Variants in DUSP13B observed in about 807,000 individuals in gnomAD.
DUSP13B encodes dual specificity protein phosphatase 13B.
the DUSP13B span, chr10:75,107,990 AC>A: frequency 1.2e-6 from 2 of 1,610,178 alleles, no homozygotes; most frequent in Admixed American, 1.7e-5. Flanking sequence ...CCCAAGTCCT[AC>A]CCCCAGGCGT....
At chr10:75,097,895 A>G in the DUSP13B span, 4 of 1,575,930 alleles carry the variant, frequency 2.5e-6, no homozygotes, top group Non-Finnish European at 3.5e-6. Flanking sequence ...CCTGGAACAG[A>G]GTGGACACCG....
the DUSP13B span, chr10:75,108,194 G>A: frequency 6.2e-7 from 1 of 1,605,254 alleles, no homozygotes; most frequent in Non-Finnish European, 8.5e-7. Context: ...GCTCAAAGCG[G>A]TTGTTTGCCG....
chr10:75,103,676 A>G, the DUSP13B span, among the ~76,000 whole-genome samples: 91 of 152,348 alleles, frequency 6.0e-4, 1 homozygote, highest in East Asian at 0.015. Context: ...CCATACCTGC[A>G]CTGGGTCTCT....
chr10:75,105,549 C>T, the DUSP13B span: 1 of 1,099,288 alleles, frequency 9.1e-7, no homozygotes, highest in Non-Finnish European at 1.3e-6. Context: ...CTTCCAGCCA[C>T]ACACAGCCCT....
the DUSP13B span, chr10:75,098,959 T>C: frequency 8.1e-7 from 1 of 1,231,420 alleles, no homozygotes. Context: ...CACTAACCCA[T>C]CTGCTTCCTC....
chr10:75,094,998 G>T, the DUSP13B span: 1 of 896,482 alleles, frequency 1.1e-6, no homozygotes, highest in Non-Finnish European at 1.7e-6. Context: ...TGTCTACTCT[G>T]TCAAATGGGG....
the DUSP13B span, chr10:75,097,705 TACTC>T: frequency 3.2e-6 from 5 of 1,562,610 alleles, no homozygotes; most frequent in Middle Eastern, 1.7e-4. Flanking sequence ...ACGTGGGTCT[TACTC>T]ACGCATCTCC....
At chr10:75,104,213 G>A in the DUSP13B span, 3 of 623,996 alleles carry the variant, frequency 4.8e-6, no homozygotes, top group Non-Finnish European at 7.3e-6. Flanking sequence ...CTTGAGCCCT[G>A]TGCATAAGGT....
chr10:75,099,197 C>G, the DUSP13B span: 1 of 1,219,948 alleles, frequency 8.2e-7, no homozygotes, highest in Non-Finnish European at 1.0e-6. Flanking sequence ...TCTTTGCTAA[C>G]TGCCCCTGAT....
the DUSP13B span, among the ~76,000 whole-genome samples, chr10:75,104,986 C>G: frequency 6.6e-6 from 1 of 152,066 alleles, no homozygotes; most frequent in African/African-American, 2.4e-5. Flanking sequence ...AGGCCAGTCA[C>G]CCACCCCCAA....
At chr10:75,094,589 G>C in the DUSP13B span, 1 of 1,448,908 alleles carries the variant, frequency 6.9e-7, no homozygotes, top group East Asian at 2.3e-5. Flanking sequence ...TACATCTCAG[G>C]GTCACTAGAA....
the DUSP13B span, chr10:75,105,611 C>A: frequency 2.0e-6 from 3 of 1,489,924 alleles, no homozygotes; most frequent in Non-Finnish European, 2.7e-6. Context: ...TAGGCCCTCA[C>A]CTGGCCTCTT....
At chr10:75,097,879 G>A in the DUSP13B span, 19 of 1,603,142 alleles carry the variant, frequency 1.2e-5, no homozygotes, top group Non-Finnish European at 1.5e-5. Flanking sequence ...TCTGCAGTGA[G>A]TCCATCCTGG....
chr10:75,107,815 G>A, the DUSP13B span, among the ~76,000 whole-genome samples: 2 of 152,228 alleles, frequency 1.3e-5, no homozygotes, highest in East Asian at 1.9e-4. Flanking sequence ...GACCTCAGGC[G>A]ATCCACCCAC....
the DUSP13B span, among the ~76,000 whole-genome samples, chr10:75,101,660 T>A: frequency 6.6e-6 from 1 of 152,154 alleles, no homozygotes; most frequent in Admixed American, 6.5e-5. Context: ...CAGAGTCACA[T>A]AGCCAATTGA....
chr10:75,095,846 G>T, the DUSP13B span: 1 of 1,566,196 alleles, frequency 6.4e-7, no homozygotes, highest in East Asian at 2.2e-5. Context: ...ATCTCACTGT[G>T]GCAGCTCTGG....
the DUSP13B span, chr10:75,105,879 C>T: frequency 3.2e-6 from 5 of 1,544,780 alleles, no homozygotes; most frequent in Non-Finnish European, 4.4e-6. Flanking sequence ...CTGAGGAAGA[C>T]ATCCTGGTGA....
At chr10:75,101,862 C>T in the DUSP13B span, 4 of 1,366,202 alleles carry the variant, frequency 2.9e-6, no homozygotes, top group Non-Finnish European at 2.9e-6. Flanking sequence ...GGAGCACTCA[C>T]CCACCTGTGG....
At chr10:75,105,843 C>T in the DUSP13B span, 2 of 1,550,552 alleles carry the variant, frequency 1.3e-6, no homozygotes, top group East Asian at 4.9e-5. Flanking sequence ...GGCTCACGCC[C>T]ACCACACAGT....
Sources: gnomAD v4.1 joint callset for allele counts (sites outside exome capture counted in the v4.1 genomes callset) on GRCh38, gnomAD v4.1.1 for gene constraint, MANE v1.5 for transcripts, NCBI Gene and HGNC (gene_info 2026-07-23, HGNC 2026-07-21) for gene names.